The following DCAF8L2 variants were observed in gnomAD, a reference collection of about 807,000 sequenced individuals.
The protein encoded by DCAF8L2 is DDB1- and CUL4-associated factor 8-like protein 2.
For synonymous variants in DCAF8L2, 200 were observed against 190.9 expected (o/e 1.05, Z -0.39); for missense variants, 430 against 490.7 (o/e 0.88, Z 1.17).
chrX:27,677,064 G>A (rs1256653981), intron 2 of DCAF8L2: 1 of 111,782 alleles, frequency 8.9e-6, no homozygotes, highest in Non-Finnish European at 1.9e-5. Context: ...TGGCTAATTC[G>A]AAAAACCCTG....
intron 1 of DCAF8L2, among the ~76,000 whole-genome samples, chrX:27,623,379 T>C (rs1416604412): frequency 9.0e-6 from 1 of 111,566 alleles, no homozygotes; most frequent in Non-Finnish European, 1.9e-5. Context: ...TAATTTACTG[T>C]AAACCTAAAA....
chrX:27,641,886 CT>C (rs200601420), intron 2 of DCAF8L2, among the ~76,000 whole-genome samples: 30,881 of 107,994 alleles, frequency 0.29, 3,554 homozygotes, highest in Middle Eastern at 0.4. Flanking sequence ...GATAAGGGTA[CT>C]TTTTTTAAAT....
At chrX:27,494,290 C>T in the DCAF8L2 span, among the ~76,000 whole-genome samples, 4 of 111,020 alleles carry the variant, frequency 3.6e-5, no homozygotes, top group African/African-American at 1.3e-4. Context: ...CCTGTAATCC[C>T]AGCTACTCAG....
intron 3 of DCAF8L2, among the ~76,000 whole-genome samples, chrX:27,709,848 A>G (rs183288687): frequency 1.5e-4 from 16 of 109,121 alleles, no homozygotes; most frequent in Admixed American, 1.4e-3. Flanking sequence ...TGTCTTTCAA[A>G]AAGCAAAAGA....
the DCAF8L2 span, among the ~76,000 whole-genome samples, chrX:27,549,534 GTATTAT>G: frequency 9.0e-6 from 1 of 111,299 alleles, no homozygotes; most frequent in Admixed American, 9.6e-5. Context: ...ATAATTATTA[GTATTAT>G]TATTAAAGTC....
the DCAF8L2 span, among the ~76,000 whole-genome samples, chrX:27,531,920 A>G: frequency 1.8e-5 from 2 of 111,680 alleles, no homozygotes; most frequent in East Asian, 5.6e-4. Flanking sequence ...ATCACAAAGG[A>G]TGAGCCACTA....
rs780420660 is a variant in DCAF8L2, at chrX:27,749,838, T to C, written c.*1047T>C. ...TCACATTGCTTAAAATTCTCTCTGC[T>C]GTTTAAATTGCTTTAAAAATTGTTT... On this transcript the variant is annotated 3_prime_UTR_variant, in exon 5 of 5. Coordinates refer to ENST00000451261, the MANE Select transcript of DCAF8L2 (RefSeq NM_001353450.2). Among the ~76,000 whole-genome samples, 17 of 112,766 alleles carry C rather than the reference T, an allele frequency of 1.5e-4. No homozygotes were observed. Among genetic ancestry groups the C allele is most frequent in the Non-Finnish European group, 3.0e-4 (16 of 53,389 alleles).
intron 4 of DCAF8L2, among the ~76,000 whole-genome samples, chrX:27,721,912 C>T (rs1169597621): frequency 8.9e-6 from 1 of 111,750 alleles, no homozygotes; most frequent in Non-Finnish European, 1.9e-5. Flanking sequence ...GTGAATAACA[C>T]CAAGCTCAGA....
chrX:27,539,076 T>C, the DCAF8L2 span, among the ~76,000 whole-genome samples: 1 of 111,228 alleles, frequency 9.0e-6, no homozygotes, highest in African/African-American at 3.3e-5. Flanking sequence ...CTTGAACTCC[T>C]GGGCTCAAAT....
rs139538042 is a variant in DCAF8L2, at chrX:27,658,487, A to T, written c.-219-19349A>T. 1.5e-3 allele frequency among the ~76,000 whole-genome samples: 172 copies of T among 112,085 alleles called. 1 individual carries two copies. Among genetic ancestry groups the T allele is most frequent in the African/African-American group, 5.1e-3 (159 of 30,877 alleles). ...AAAAAATGTATAAGCCTTTTCTTAG[A>T]TAGACACTGTTATGTTTTTTAAGAT... On this transcript the variant is annotated intron_variant, in intron 2 of 4. Transcript: ENST00000451261.
the DCAF8L2 span, among the ~76,000 whole-genome samples, chrX:27,485,983 A>T: frequency 2.4e-5 from 2 of 82,049 alleles, no homozygotes; most frequent in African/African-American, 4.4e-5. Context: ...AGACCGTTAT[A>T]ATAATATCGT....
chrX:27,522,611 CCT>C, the DCAF8L2 span, among the ~76,000 whole-genome samples: 3 of 111,557 alleles, frequency 2.7e-5, no homozygotes, highest in Non-Finnish European at 5.6e-5. Flanking sequence ...CCGCATTTCC[CCT>C]GTTACCAGAC....
At chrX:27,684,480 CA>C (rs1367061113) in intron 3 of DCAF8L2, among the ~76,000 whole-genome samples, 1 of 111,770 alleles carries the variant, frequency 8.9e-6, no homozygotes, top group African/African-American at 3.2e-5. Context: ...CGTAGTGGCA[CA>C]AATAGGTAAA....
chrX:27,503,031 G>A, the DCAF8L2 span, among the ~76,000 whole-genome samples: 3 of 111,725 alleles, frequency 2.7e-5, no homozygotes, highest in Non-Finnish European at 5.7e-5. Flanking sequence ...GCTCATATCA[G>A]TAAAACAAAT....
At chrX:27,627,798 G>A (rs1371456545) in intron 1 of DCAF8L2, among the ~76,000 whole-genome samples, 1 of 109,213 alleles carries the variant, frequency 9.2e-6, no homozygotes, top group African/African-American at 3.3e-5. Context: ...GGAGGCTGAG[G>A]CAGGAGAATC....
At chrX:27,610,928 T>C (rs760213056) in intron 1 of DCAF8L2, among the ~76,000 whole-genome samples, 2 of 112,562 alleles carry the variant, frequency 1.8e-5, no homozygotes, top group East Asian at 5.6e-4. Flanking sequence ...GTGAGACCAC[T>C]GATTTGGAAA....
upstream of DCAF8L2, among the ~76,000 whole-genome samples, chrX:27,588,639 C>G (rs1925961469): frequency 1.9e-5 from 2 of 103,812 alleles, no homozygotes; most frequent in South Asian, 8.0e-4. Context: ...GCCTCACCAG[C>G]ATATGTTGTT....
At position 27,745,054 on chromosome X, in the gene DCAF8L2, G is replaced by C. The variant is rs564524779; in HGVS notation, c.-58-1784G>C. Among the ~76,000 whole-genome samples, 3 of 111,988 alleles carry C rather than the reference G, an allele frequency of 2.7e-5. No individual in the cohort carries two copies. The South Asian group carries it at 1.1e-3, about 42-fold the overall frequency. On this transcript the variant is annotated intron_variant, in intron 4 of 4. Coordinates refer to ENST00000451261, the MANE Select transcript of DCAF8L2 (RefSeq NM_001353450.2). ...GGGTATGTTAGGGTTTGATGCTCTA[G>C]GTTTCCTGTTTTTGTGTTCCATGGC...
chrX:27,747,862 A>G lies in DCAF8L2; in HGVS notation c.967A>G (p.Lys323Glu), dbSNP rs748449236. Reference protein sequence around the residue: ...CVAQHRGPAHKLALEPDSPYK... With the variant: ...CVAQHRGPAHELALEPDSPYK... The stretch of plus-strand genomic sequence containing the variant: ...GGCCCAGCACAGGGGACCTGCCCAC[A>G]AGTTGGCTCTGGAGCCTGACTCTCC... The change falls in exon 5 of 5, where the codon AAG (lysine) becomes GAG (glutamate). Residue 323 changes from lysine to glutamate, a missense_variant. Coordinates refer to ENST00000451261, the MANE Select transcript of DCAF8L2 (RefSeq NM_001353450.2). The G allele has an allele frequency of 1.5e-5, 18 of 1,208,851 alleles. No homozygotes were observed. The Admixed American group carries it at 2.0e-4, about 13-fold the overall frequency.
Sources: allele counts gnomAD v4.1 joint callset (sites outside exome capture counted in the v4.1 genomes callset), GRCh38; gene constraint gnomAD v4.1.1; transcripts MANE v1.5; gene names NCBI Gene and HGNC (gene_info 2026-07-23, HGNC 2026-07-21).